The following ALMS1 variants were observed in gnomAD, a reference collection of about 807,000 sequenced individuals.
The protein encoded by ALMS1 is centrosome-associated protein ALMS1.
In ALMS1, 271 loss-of-function variants were observed where a neutral mutation model predicts 352.2. The observed-to-expected ratio is 0.77, with a 90% CI of 0.70 to 0.85. ALMS1 has a LOEUF of 0.85. ALMS1 is among the 40% of genes least tolerant of loss of function. The pLI is 0.00. For missense variants in ALMS1, 5,445 were observed against 4,870.7 expected (o/e 1.12, Z -3.51); for synonymous variants, 1,865 against 1,761.2 (o/e 1.06, Z -1.48).
chr2:73,432,295 C>A lies in ALMS1; in HGVS notation c.1432+4C>A, dbSNP rs200933935. On this transcript the variant is annotated splice_donor_region_variant and intron_variant, in intron 7 of 22. Transcript: ENST00000613296. ...GCTCCTAAACATTTAAAAGCAGGTA[C>A]GTAGAAAAAGGAGATAGTAAATGTC... 1 of 1,601,722 alleles carries A rather than the reference C, an allele frequency of 6.2e-7. No individual in the cohort carries two copies. The highest frequency in any genetic ancestry group is 2.2e-5 in the East Asian group (1 of 44,698).
Position 73,572,396 on chromosome 2 carries a change from A to C in ALMS1, c.10519A>C (p.Met3507Leu). The C allele has an allele frequency of 6.2e-7, 1 of 1,611,534 alleles. No homozygotes were observed. The highest frequency in any genetic ancestry group is 8.5e-7 in the Non-Finnish European group (1 of 1,179,206). ...CHESLGKSVF[M>L]RHSWKDFFQH... ...TGAATCTTTGGGAAAGAGTGTTTTC[A>C]TGAGACATTCTTGGAAAGATTTCTT... Residue 3507 changes from methionine (M) to leucine (L), a missense_variant, in exon 16 of 23, where the codon ATG becomes CTG. Transcript: ENST00000613296.
At chr2:73,430,160 T>C (rs972128810) in intron 6 of ALMS1, among the ~76,000 whole-genome samples, 3 of 150,980 alleles carry the variant, frequency 2.0e-5, no homozygotes. Flanking sequence ...CACTGCAAGC[T>C]CCGCCTCCCG....
In ALMS1 at chr2:73,600,900, A is replaced by G; in HGVS notation, c.11872+19A>G. ...CATGAAGGTCAGTTTCTCATTCCAG[A>G]TCTTGTAGTAGAGAAACTAGTGAAT... is the stretch of plus-strand genomic sequence containing the variant. On this transcript the variant is annotated intron_variant, in intron 18 of 22. Transcript: ENST00000613296. 6.2e-7 allele frequency: 1 copy of G among 1,608,366 alleles called. No homozygotes were observed. Among genetic ancestry groups the G allele is most frequent in the Non-Finnish European group, 8.5e-7 (1 of 1,176,080 alleles).
Position 73,453,358 on chromosome 2 carries a change from C to G in ALMS1, c.6831C>G (p.Cys2277Trp), listed in dbSNP as rs761713440. 6.2e-7 allele frequency: 1 copy of G among 1,613,800 alleles called. No individual in the cohort carries two copies. The highest frequency in any genetic ancestry group is 8.5e-7 in the Non-Finnish European group (1 of 1,179,938). Residue 2277 changes from cysteine (C) to tryptophan (W), a missense_variant, in exon 8 of 23, where the codon TGC (cysteine) becomes TGG (tryptophan). By Grantham distance (215) the Cys-to-Trp change is radical. Transcript: ENST00000613296. ...MEAENMALKR[C>W]NFPAPLARFR... The stretch of plus-strand genomic sequence containing the variant: ...CAGAAAATATGGCACTGAAACGATG[C>G]AATTTTCCTGCTCCCCTTGCCCGTT...
chr2:73,472,913 A>G (rs1345048723), intron 9 of ALMS1, among the ~76,000 whole-genome samples: 1 of 152,126 alleles, frequency 6.6e-6, no homozygotes, highest in Admixed American at 6.6e-5. Flanking sequence ...AAAGTATTTA[A>G]AAGCCAGAGT....
chr2:73,565,235 A>G (rs981293183), intron 15 of ALMS1, among the ~76,000 whole-genome samples: 1 of 152,196 alleles, frequency 6.6e-6, no homozygotes, highest in Non-Finnish European at 1.5e-5. Flanking sequence ...CAGGAGATAT[A>G]TTAGATGAGC....
rs754242152 is a variant in ALMS1, at chr2:73,453,974, G to A, written c.7447G>A (p.Val2483Met). ...CAGTGTAGATTCACTGGCTGCACAT[G>A]TGAAAAACCTTCTGCAATGTGAATC... ...GSSVDSLAAH[V>M]KNLLQCESSL... Residue 2483 changes from valine (V) to methionine (M), a missense_variant, in exon 8 of 23, where the codon GTG (valine) becomes ATG (methionine). By Grantham distance (21) the Val-to-Met change is conservative. Coordinates refer to ENST00000613296, the MANE Select transcript of ALMS1 (RefSeq NM_001378454.1). 2.5e-6 allele frequency: 4 copies of A among 1,613,684 alleles called. No homozygotes were observed. The Admixed American group carries it at 5.0e-5, about 20-fold the overall frequency.
chr2:73,391,294 C>CTTTTTTTTTTT (rs397972016), intron 1 of ALMS1, among the ~76,000 whole-genome samples: 1,872 of 114,688 alleles, frequency 0.016, 176 homozygotes, highest in Admixed American at 0.044. Context: ...ACGTTTTATT[C>CTTTTTTTTTTT]TTTTTTTTTT....
chr2:73,590,651 C>T (rs892706796), intron 16 of ALMS1, among the ~76,000 whole-genome samples: 1 of 135,112 alleles, frequency 7.4e-6, no homozygotes, highest in East Asian at 2.2e-4. Context: ...ACTGTAGTTG[C>T]TGTTTTTTTA....
intron 16 of ALMS1, among the ~76,000 whole-genome samples, chr2:73,577,973 T>C (rs1675088392): frequency 6.6e-6 from 1 of 152,184 alleles, no homozygotes; most frequent in South Asian, 2.1e-4. Flanking sequence ...CAGAAGTGGA[T>C]TATTGAAGTC....
chr2:73,598,496 TC>T (rs1277837840), intron 16 of ALMS1, among the ~76,000 whole-genome samples: 1 of 152,222 alleles, frequency 6.6e-6, no homozygotes, highest in Non-Finnish European at 1.5e-5. Flanking sequence ...TAGATCTTCC[TC>T]CCCAAAATTC....
intron 9 of ALMS1, among the ~76,000 whole-genome samples, chr2:73,457,725 C>CT (rs1479946949): frequency 6.6e-6 from 1 of 151,876 alleles, no homozygotes; most frequent in Admixed American, 6.6e-5. Context: ...TTACTAAGGG[C>CT]TATGGATAAA....
In ALMS1 at chr2:73,487,318, C is replaced by G. The variant is rs139677391; in HGVS notation, c.7675-2316C>G. ...TAGCCACTGTACACAGCCAGGCATG[C>G]TGACGGCTGTGGTAGGGCAGGCAGC... On this transcript the variant is annotated intron_variant, in intron 9 of 22. Coordinates refer to ENST00000613296, the MANE Select transcript of ALMS1 (RefSeq NM_001378454.1). Among the ~76,000 whole-genome samples, 896 of 152,308 alleles carry G rather than the reference C, an allele frequency of 5.9e-3. 11 individuals are homozygous for G. Among genetic ancestry groups the G allele is most frequent in the Middle Eastern group, 0.037 (11 of 294 alleles).
At chr2:73,576,764 G>T (rs1389532446) in intron 16 of ALMS1, among the ~76,000 whole-genome samples, 1 of 151,858 alleles carries the variant, frequency 6.6e-6, no homozygotes, top group African/African-American at 2.4e-5. Context: ...GGGATTACAG[G>T]TGCCTGACAC....
chr2:73,585,067 G>A (rs953978493), intron 16 of ALMS1, among the ~76,000 whole-genome samples: 44 of 152,186 alleles, frequency 2.9e-4, no homozygotes, highest in African/African-American at 7.5e-4. Context: ...TTGCAATTGC[G>A]AATCATGCTG....
At chr2:73,461,355 G>A (rs532162832) in intron 9 of ALMS1, among the ~76,000 whole-genome samples, 1 of 152,336 alleles carries the variant, frequency 6.6e-6, no homozygotes, top group South Asian at 2.1e-4. Flanking sequence ...GGTCTGGAGT[G>A]GACCTCTAGC....
chr2:73,518,265 G>C (rs754791379), intron 10 of ALMS1, among the ~76,000 whole-genome samples: 2 of 152,030 alleles, frequency 1.3e-5, no homozygotes, highest in African/African-American at 4.8e-5. Context: ...ATGACCTCCA[G>C]CTCCATCCAT....
intron 12 of ALMS1, among the ~76,000 whole-genome samples, chr2:73,536,560 C>T (rs1270038008): frequency 6.6e-6 from 1 of 151,982 alleles, no homozygotes; most frequent in East Asian, 1.9e-4. Context: ...ACCAGTAGAC[C>T]TACACTGGAT....
intron 10 of ALMS1, among the ~76,000 whole-genome samples, chr2:73,495,501 G>A (rs1395622368): frequency 1.3e-5 from 2 of 152,260 alleles, no homozygotes; most frequent in Admixed American, 6.5e-5. Context: ...CTCCCAAAAT[G>A]CTGTGATTAC....
Sources: allele counts gnomAD v4.1 joint callset (sites outside exome capture counted in the v4.1 genomes callset), GRCh38; gene constraint gnomAD v4.1.1; transcripts MANE v1.5; gene names NCBI Gene and HGNC (gene_info 2026-07-23, HGNC 2026-07-21).